NUDCD1: variants seen among roughly 807,000 people sequenced by gnomAD.
The protein encoded by NUDCD1 is NudC domain containing 1.
Under a neutral mutation model 67.8 loss-of-function variants are expected in NUDCD1, and 60 were observed. That is an observed-to-expected ratio of 0.88 (90% confidence interval 0.72 to 1.10). NUDCD1 has a LOEUF of 1.10. NUDCD1 is among the 50% of genes least tolerant of loss of function. The pLI is 0.00. For missense variants in NUDCD1, 643 were observed against 695.0 expected, an observed-to-expected ratio of 0.93 and a Z score of 0.84; for synonymous variants, 244 against 230.8, an observed-to-expected ratio of 1.06 and a Z score of -0.52.
At chr8:109,332,735 T>A (rs750346219) in intron 1 of NUDCD1, among the ~76,000 whole-genome samples, 1 of 152,038 alleles carries the variant, frequency 6.6e-6, no homozygotes, top group African/African-American at 2.4e-5. Context: ...GGTGATACCA[T>A]CTACTGACAT....
intron 7 of NUDCD1, among the ~76,000 whole-genome samples, chr8:109,271,603 G>A (rs1814158644): frequency 6.6e-6 from 1 of 152,120 alleles, no homozygotes; most frequent in Non-Finnish European, 1.5e-5. Flanking sequence ...TAGCATATGG[G>A]TAACTGGAGG....
chr8:109,294,864 G>C (rs1814805068), intron 3 of NUDCD1, among the ~76,000 whole-genome samples: 1 of 151,814 alleles, frequency 6.6e-6, no homozygotes, highest in Admixed American at 6.6e-5. Flanking sequence ...TCTACTTTTA[G>C]CTTCTCTGTT....
chr8:109,243,537 G>A (rs1813425075), intron 9 of NUDCD1, among the ~76,000 whole-genome samples: 1 of 151,918 alleles, frequency 6.6e-6, no homozygotes, highest in Non-Finnish European at 1.5e-5. Flanking sequence ...TGGCTTTCTC[G>A]CTTCAAAAAA....
intron 8 of NUDCD1, among the ~76,000 whole-genome samples, chr8:109,255,404 G>A (rs1156283147): frequency 6.6e-6 from 1 of 152,192 alleles, no homozygotes; most frequent in African/African-American, 2.4e-5. Flanking sequence ...ACTAGAGACT[G>A]AAGCATAGGA....
chr8:109,272,388 C>T (rs534671811), intron 7 of NUDCD1, among the ~76,000 whole-genome samples: 6 of 151,090 alleles, frequency 4.0e-5, no homozygotes, highest in East Asian at 1.9e-4. Context: ...CACACACACA[C>T]GCAAATATCT....
intron 6 of NUDCD1, among the ~76,000 whole-genome samples, chr8:109,280,604 A>T (rs1377512858): frequency 1.3e-5 from 2 of 152,356 alleles, no homozygotes; most frequent in East Asian, 1.9e-4. Context: ...TGTATATTTA[A>T]AATTTTAAAG....
chr8:109,258,171 T>C (rs1161858555), intron 8 of NUDCD1, among the ~76,000 whole-genome samples: 1 of 152,168 alleles, frequency 6.6e-6, no homozygotes. Flanking sequence ...TTATTTCATA[T>C]GCAGCCCATC....
intron 2 of NUDCD1, among the ~76,000 whole-genome samples, chr8:109,308,938 C>T (rs1815174382): frequency 6.8e-6 from 1 of 148,044 alleles, no homozygotes; most frequent in South Asian, 2.2e-4. Context: ...TGCCACTGCA[C>T]TCCAGCCTGG....
chr8:109,294,428 T>TA (rs35849920), intron 3 of NUDCD1, among the ~76,000 whole-genome samples: 21 of 151,938 alleles, frequency 1.4e-4, no homozygotes, highest in African/African-American at 4.6e-4. Flanking sequence ...AACAAAAGCT[T>TA]AAAAAAAATC....
At chr8:109,275,601 C>A (rs184865514) in intron 6 of NUDCD1, 105 bp from the exon 7 acceptor site, 1 of 1,076,324 alleles carries the variant, frequency 9.3e-7, no homozygotes, top group Non-Finnish European at 1.3e-6. Flanking sequence ...AAGAACCCTC[C>A]GGTGTCCAGA....
chr8:109,292,030 T>C (rs2035960034), intron 4 of NUDCD1, among the ~76,000 whole-genome samples: 1 of 152,172 alleles, frequency 6.6e-6, no homozygotes, highest in African/African-American at 2.4e-5. Flanking sequence ...TATTTTTGTA[T>C]GGCCTGTGAG....
intron 5 of NUDCD1, among the ~76,000 whole-genome samples, chr8:109,283,733 ACAAT>A (rs1282038820): frequency 3.9e-5 from 6 of 152,182 alleles, no homozygotes; most frequent in African/African-American, 1.4e-4. Flanking sequence ...AAGCACTAAG[ACAAT>A]CAGTTACCAC....
chr8:109,272,326 T>C (rs977629453), intron 7 of NUDCD1, among the ~76,000 whole-genome samples: 19 of 151,734 alleles, frequency 1.3e-4, no homozygotes, highest in African/African-American at 4.6e-4. Flanking sequence ...TAAAGATAGT[T>C]GGTGATAAGT....
At chr8:109,259,167 A>AT (rs1270153137) in intron 8 of NUDCD1, among the ~76,000 whole-genome samples, 1 of 152,238 alleles carries the variant, frequency 6.6e-6, no homozygotes, top group Non-Finnish European at 1.5e-5. Flanking sequence ...AAGATATAGC[A>AT]TCTCTTTCCA....
At chr8:109,300,233 G>A (rs1362639281) in intron 2 of NUDCD1, among the ~76,000 whole-genome samples, 1 of 152,040 alleles carries the variant, frequency 6.6e-6, no homozygotes, top group Non-Finnish European at 1.5e-5. Flanking sequence ...CACCAGCATT[G>A]AATCCAAACC....
chr8:109,265,392 GT>G (rs1456768087), intron 8 of NUDCD1, among the ~76,000 whole-genome samples: 1 of 152,078 alleles, frequency 6.6e-6, no homozygotes, highest in South Asian at 2.1e-4. Flanking sequence ...CCTTTTAAAT[GT>G]TTTTTAAACT....
chr8:109,326,625 C>T (rs556539082), intron 1 of NUDCD1, among the ~76,000 whole-genome samples: 4 of 152,092 alleles, frequency 2.6e-5, no homozygotes, highest in South Asian at 2.1e-4. Context: ...AAGAGCTTTG[C>T]TGAAAAATCT....
chr8:109,244,083 A>G (rs1563655869), intron 9 of NUDCD1, among the ~76,000 whole-genome samples: 1 of 152,108 alleles, frequency 6.6e-6, no homozygotes. Context: ...ATCATGTAAA[A>G]TAAGAATATA....
chr8:109,245,599 A>G, intron 8 of NUDCD1, 118 bp from the exon 9 acceptor site: 2 of 681,258 alleles, frequency 2.9e-6, no homozygotes, highest in Non-Finnish European at 2.4e-6. Context: ...CTTTTTATAT[A>G]CTTAATCTGA....
Sources: gnomAD v4.1 joint callset for allele counts (sites outside exome capture counted in the v4.1 genomes callset) on GRCh38, gnomAD v4.1.1 for gene constraint, MANE v1.5 for transcripts, NCBI Gene and HGNC (gene_info 2026-07-23, HGNC 2026-07-21) for gene names.